The following DNAI3 variants were observed in gnomAD, a reference collection of about 807,000 sequenced individuals.
The protein encoded by DNAI3 is WD repeat domain 63.
DNAI3 carries 83 observed loss-of-function variants against 115.5 expected under a neutral mutation model. That is an observed-to-expected ratio of 0.72 (90% confidence interval 0.60 to 0.86). DNAI3 has a LOEUF of 0.86. DNAI3 is among the 40% of genes least tolerant of loss of function. DNAI3 has a pLI of 0.00. For synonymous variants in DNAI3, 320 were observed against 347.0 expected (o/e 0.92, Z 0.86); for missense variants, 1,004 against 1,075.8 (o/e 0.93, Z 0.93).
intron 16 of DNAI3, among the ~76,000 whole-genome samples, chr1:85,111,851 C>T (rs1655669816): frequency 6.6e-6 from 1 of 152,038 alleles, no homozygotes; most frequent in Non-Finnish European, 1.5e-5. Context: ...TATGCTTTGA[C>T]ATATGTACAC....
At chr1:85,131,563 G>T (rs952481558) in intron 22 of DNAI3, among the ~76,000 whole-genome samples, 7 of 151,514 alleles carry the variant, frequency 4.6e-5, no homozygotes, top group Non-Finnish European at 1.0e-4. Context: ...TAAAAGCAGA[G>T]GATCTCATTT....
intron 12 of DNAI3, among the ~76,000 whole-genome samples, chr1:85,098,248 G>C (rs962167765): frequency 5.3e-5 from 8 of 152,066 alleles, no homozygotes; most frequent in African/African-American, 1.9e-4. Flanking sequence ...CCTTCTATAG[G>C]CACAAAGAAA....
chr1:85,105,555 A>G (rs1212557236), intron 14 of DNAI3, among the ~76,000 whole-genome samples: 1 of 151,568 alleles, frequency 6.6e-6, no homozygotes, highest in African/African-American at 2.4e-5. Context: ...AAAGAAAAAG[A>G]AAGAAAGAAA....
intron 16 of DNAI3, 52 bp from the exon 17 acceptor site, chr1:85,117,675 TAA>T: frequency 6.3e-7 from 1 of 1,593,850 alleles, no homozygotes; most frequent in Non-Finnish European, 8.6e-7. Context: ...GTCTATATTT[TAA>T]AAGATGTTTC....
At chr1:85,079,085 C>A (rs945717916) in intron 3 of DNAI3, among the ~76,000 whole-genome samples, 2 of 152,238 alleles carry the variant, frequency 1.3e-5, no homozygotes, top group Non-Finnish European at 2.9e-5. Context: ...TCGGCACTAG[C>A]ACAGTGTGAG....
At chr1:85,071,779 C>T in intron 1 of DNAI3, 149 bp from the exon 2 acceptor site, 1 of 723,228 alleles carries the variant, frequency 1.4e-6, no homozygotes, top group Non-Finnish European at 2.3e-6. Context: ...CACAGAACAC[C>T]CGTTCTATGA....
In DNAI3 at chr1:85,098,539, C is replaced by T. The variant is rs1655195432; in HGVS notation, c.1360C>T (p.Leu454Phe). 5.0e-6 allele frequency: 8 copies of T among 1,610,694 alleles called. No homozygotes were observed. The highest frequency in any genetic ancestry group is 6.8e-6 in the Non-Finnish European group (8 of 1,179,038). Reference protein sequence around the residue: ...SKRATLKPMFLLEPESNKEAM... With the variant: ...SKRATLKPMFFLEPESNKEAM... ...TTTTAATATTTTTCAGCCTATGTTT[C>T]TCCTTGAACCGGAGAGTAATAAAGA... is the stretch of plus-strand genomic sequence containing the variant. The change falls in exon 13 of 23, where the codon CTC (leucine) becomes TTC (phenylalanine). Residue 454 changes from leucine (L) to phenylalanine (F), a missense_variant. Around this residue, in one of 3 missense-constraint regions of DNAI3, gnomAD observed 550 missense variants for 568.1 expected, o/e 0.97. Transcript: ENST00000294664.
Position 85,084,718 on chromosome 1 carries a change from G to C in DNAI3, c.540+23G>C, listed in dbSNP as rs749357875. 5 of 1,434,392 alleles carry C rather than the reference G, an allele frequency of 3.5e-6. No individual in the cohort carries two copies. In the Admixed American group the frequency reaches 1.2e-4, roughly 35 times the overall value. 88.9% of individuals were successfully genotyped at this position (1,434,392 alleles called of 1,614,324 possible). Reference sequence around the variant, plus strand: ...CAGGTTAGAGGGTTATATATGATCTGTAATCATTACCTCCCTGTAGCTGAA... The same window carrying C: ...CAGGTTAGAGGGTTATATATGATCTCTAATCATTACCTCCCTGTAGCTGAA... On this transcript the variant is annotated intron_variant, in intron 6 of 22. Coordinates refer to ENST00000294664, the MANE Select transcript of DNAI3 (RefSeq NM_145172.5).
chr1:85,094,980 C>T (rs928776503), intron 10 of DNAI3, among the ~76,000 whole-genome samples: 1 of 152,150 alleles, frequency 6.6e-6, no homozygotes, highest in Admixed American at 6.5e-5. Context: ...CATTATCCAT[C>T]TCTAGGCTGG....
Position 85,097,549 on chromosome 1 carries a change from A to G in DNAI3, c.1264-20A>G. 1.9e-6 allele frequency: 3 copies of G among 1,589,480 alleles called. No individual in the cohort carries two copies. The highest frequency in any genetic ancestry group is 2.6e-6 in the Non-Finnish European group (3 of 1,170,716). On this transcript the variant is annotated intron_variant, in intron 11 of 22. Transcript: ENST00000294664. ...AGATATTTTCTGAAAAGGTTATGAT[A>G]ACATTTATTTCCATTTTAGATTGTC...
At chr1:85,064,066 T>C (rs1407593893) in intron 1 of DNAI3, among the ~76,000 whole-genome samples, 2 of 152,238 alleles carry the variant, frequency 1.3e-5, no homozygotes, top group African/African-American at 2.4e-5. Flanking sequence ...GTTAATAAAG[T>C]ACAAATTATT....
intron 16 of DNAI3, among the ~76,000 whole-genome samples, chr1:85,111,207 T>C (rs1038702668): frequency 6.6e-6 from 1 of 152,244 alleles, no homozygotes; most frequent in African/African-American, 2.4e-5. Flanking sequence ...ATGTGTTTTA[T>C]TGATATAACC....
intron 19 of DNAI3, among the ~76,000 whole-genome samples, chr1:85,125,565 T>C (rs1656110701): frequency 6.6e-6 from 1 of 151,936 alleles, no homozygotes; most frequent in African/African-American, 2.4e-5. Flanking sequence ...TAGCAAGTTT[T>C]GTAGTTAAAG....
At chr1:85,099,293 C>T in intron 13 of DNAI3, 1 of 984,234 alleles carries the variant, frequency 1.0e-6, no homozygotes, top group South Asian at 4.7e-5. Flanking sequence ...GGTGAAATAT[C>T]AAGAATATTC....
chr1:85,094,503 T>C lies in DNAI3; in HGVS notation c.1121T>C (p.Leu374Pro). 1 of 1,614,240 alleles carries C rather than the reference T, an allele frequency of 6.2e-7. No homozygotes were observed. The highest frequency in any genetic ancestry group is 1.1e-5 in the South Asian group (1 of 91,084). ...DRVHFSGKLL[L>P]QPSLILFWSF... ...GTTCACTTTTCTGGTAAATTATTGC[T>C]GCAGCCATCACTGATTCTTTTCTGG... is the stretch of plus-strand genomic sequence containing the variant. Residue 374 changes from leucine (L) to proline (P), a missense_variant, in exon 10 of 23, where the codon CTG becomes CCG. This residue lies in a region of DNAI3 where 550 missense variants were observed against 568.1 expected (regional missense o/e 0.97). Coordinates refer to ENST00000294664, the MANE Select transcript of DNAI3 (RefSeq NM_145172.5).
chr1:85,062,767 A>T (rs1437398467), intron 1 of DNAI3, among the ~76,000 whole-genome samples: 1 of 151,414 alleles, frequency 6.6e-6, no homozygotes. Flanking sequence ...ATTGCCTAGT[A>T]CATAGTAGGA....
chr1:85,126,619 G>C lies in DNAI3; in HGVS notation c.2221G>C (p.Asp741His), dbSNP rs1175296123. 1.1e-5 allele frequency: 18 copies of C among 1,613,978 alleles called. No homozygotes were observed. Among genetic ancestry groups the C allele is most frequent in the Non-Finnish European group, 1.4e-5 (16 of 1,180,002 alleles). The change falls in exon 20 of 23, where the codon GAT (aspartate) becomes CAT (histidine). Residue 741 changes from aspartate (D) to histidine (H), a missense_variant. Asp to His is a moderately conservative substitution (Grantham distance 81). This residue lies in a region of DNAI3 where 429 missense variants were observed against 454.3 expected (regional missense o/e 0.94). Coordinates refer to ENST00000294664, the MANE Select transcript of DNAI3 (RefSeq NM_145172.5). ...FYIGREDGYI[D>H]IWDLLEKTHE... ...CATCGGCCGAGAAGATGGATACATT[G>C]ATATCTGGGACCTTCTGGAGAAAAC...
At chr1:85,079,870 G>A (rs1011640528) in intron 3 of DNAI3, among the ~76,000 whole-genome samples, 2 of 151,880 alleles carry the variant, frequency 1.3e-5, no homozygotes, top group Admixed American at 1.3e-4. Context: ...GGAGGAAAGG[G>A]ATTCCCTACC....
chr1:85,080,029 C>CTTTTCT lies in DNAI3; in HGVS notation c.104-1188_104-1183dup, dbSNP rs1453978318. 5.1e-5 allele frequency among the ~76,000 whole-genome samples: 7 copies of CTTTTCT among 137,578 alleles called. No homozygotes were observed. The East Asian group carries it at 1.3e-3, about 25-fold the overall frequency. 90.3% of individuals were successfully genotyped at this position (137,578 alleles called of 152,430 possible). A position where few individuals can be genotyped will look rare whatever the true frequency, so the allele number is the denominator to read the frequency against. The stretch of plus-strand genomic sequence containing the variant: ...CCTATATAGGCTCAAGGGAAAGTTT[C>CTTTTCT]TTTTCTTTTTCTTTTTCTTTTTTTT... On this transcript the variant is annotated intron_variant, in intron 3 of 22. Coordinates refer to ENST00000294664, the MANE Select transcript of DNAI3 (RefSeq NM_145172.5).
Sources: gnomAD v4.1 joint callset for allele counts (sites outside exome capture counted in the v4.1 genomes callset) on GRCh38, gnomAD v4.1.1 for gene constraint, gnomAD v4.1.1 regional missense constraint, MANE v1.5 for transcripts, NCBI Gene and HGNC (gene_info 2026-07-23, HGNC 2026-07-21) for gene names.